Variants in RFX6 observed in about 807,000 individuals in gnomAD.
RFX6 encodes the protein DNA-binding protein RFX6.
A neutral mutation model predicts 110.8 loss-of-function variants in RFX6; 50 were observed. The observed-to-expected ratio is 0.45, with a 90% CI of 0.36 to 0.57. RFX6 has a LOEUF of 0.57. RFX6 is among the 20% of genes least tolerant of loss of function. The probability of loss-of-function intolerance (pLI) is 0.00; values close to 1 mark genes in which losing one functional copy is unlikely to be tolerated. For synonymous variants in RFX6, 383 were observed against 411.2 expected (o/e 0.93, Z 0.83); for missense variants, 990 against 1,127.0 (o/e 0.88, Z 1.74).
Position 116,923,185 on chromosome 6 carries a change from G to T in RFX6, c.1516G>T (p.Val506Leu). The T allele has an allele frequency of 1.3e-6, 2 of 1,595,778 alleles. No individual in the cohort carries two copies. Residue 506 changes from valine to leucine, a missense_variant, in exon 14 of 19, where the codon GTA becomes TTA. Physicochemically the swap from Val to Leu is conservative, Grantham distance 32. Coordinates refer to ENST00000332958, the MANE Select transcript of RFX6 (RefSeq NM_173560.4). ...AAAGTGGAGTTTTTTTGGTGCTCGAGTAATGCATAATCTCACCTTGAACAA... is the reference window on the plus strand; with the variant it reads ...AAAGTGGAGTTTTTTTGGTGCTCGATTAATGCATAATCTCACCTTGAACAA... ...LLKWSFFGAR[V>L]MHNLTLNNAS...
At chr6:116,914,409 G>C (rs1043991379) in intron 7 of RFX6, among the ~76,000 whole-genome samples, 1 of 152,038 alleles carries the variant, frequency 6.6e-6, no homozygotes, top group Non-Finnish European at 1.5e-5. Context: ...ATCTCTCTTT[G>C]ATATATTGAT....
At chr6:116,877,975 A>T in intron 2 of RFX6, 23 bp downstream of exon 2, 1 of 1,610,864 alleles carries the variant, frequency 6.2e-7, no homozygotes, top group Non-Finnish European at 8.5e-7. Flanking sequence ...CGCAGGGTAC[A>T]CTGAAGCACC....
At chr6:116,923,909 G>A (rs1775656061) in intron 14 of RFX6, among the ~76,000 whole-genome samples, 1 of 152,058 alleles carries the variant, frequency 6.6e-6, no homozygotes, top group Non-Finnish European at 1.5e-5. Flanking sequence ...TGCATTTCAG[G>A]AAATCTTCAC....
intron 17 of RFX6, 116 bp from the exon 18 acceptor site, chr6:116,928,643 G>C (rs1775807053): frequency 1.3e-6 from 1 of 747,100 alleles, no homozygotes; most frequent in African/African-American, 1.7e-5. Context: ...AGATACACAT[G>C]TAATACTTAC....
chr6:116,912,025 C>T (rs1775363126), intron 7 of RFX6, among the ~76,000 whole-genome samples: 1 of 152,070 alleles, frequency 6.6e-6, no homozygotes, highest in South Asian at 2.1e-4. Flanking sequence ...GAAAACATGT[C>T]TTTTGCAGCA....
At chr6:116,922,020 T>C (rs774082518) in intron 12 of RFX6, 22 bp from the exon 13 acceptor site, 18 of 764,892 alleles carry the variant, frequency 2.4e-5, no homozygotes, top group Non-Finnish European at 3.4e-5. Flanking sequence ...TTTTCTTTCT[T>C]TTTTTTTTTT....
intron 16 of RFX6, 33 bp downstream of exon 16, chr6:116,925,692 C>T: frequency 1.4e-6 from 2 of 1,465,446 alleles, no homozygotes; most frequent in Non-Finnish European, 1.9e-6. Flanking sequence ...GGCTCCAGCA[C>T]ATCTCAGAGA....
At chr6:116,926,939 A>G in intron 16 of RFX6, 88 bp from the exon 17 acceptor site, 1 of 1,238,390 alleles carries the variant, frequency 8.1e-7, no homozygotes, top group South Asian at 1.2e-5. Flanking sequence ...AAAACAATAC[A>G]TTAATAAATC....
At chr6:116,917,288 TAGTTCA>T (rs967874535) in intron 9 of RFX6, among the ~76,000 whole-genome samples, 30 of 151,828 alleles carry the variant, frequency 2.0e-4, no homozygotes, top group African/African-American at 5.3e-4. Flanking sequence ...TTTCTGCCTT[TAGTTCA>T]AGTTCAAGTT....
At chr6:116,879,985 T>C (rs773744497) in intron 2 of RFX6, among the ~76,000 whole-genome samples, 6 of 152,016 alleles carry the variant, frequency 3.9e-5, no homozygotes, top group Non-Finnish European at 8.8e-5. Context: ...CTGATGACAG[T>C]AGTAAAAAGT....
intron 2 of RFX6, among the ~76,000 whole-genome samples, chr6:116,878,986 T>C (rs1008559945): frequency 2.5e-4 from 38 of 151,946 alleles, no homozygotes; most frequent in African/African-American, 8.5e-4. Context: ...GTTAAGAATA[T>C]ACTAGAGCAG....
In RFX6 at chr6:116,924,781, G is replaced by A. The variant is rs1376416928; in HGVS notation, c.1668G>A (p.Met556Ile). 2 of 1,583,294 alleles carry A rather than the reference G, an allele frequency of 1.3e-6. No homozygotes were observed. The highest frequency in any genetic ancestry group is 2.2e-5 in the South Asian group (2 of 90,390). The change falls in exon 15 of 19, where the codon ATG becomes ATA. Residue 556 changes from methionine (M) to isoleucine (I), a missense_variant. Physicochemically the swap from Met to Ile is conservative, Grantham distance 10. Coordinates refer to ENST00000332958, the MANE Select transcript of RFX6 (RefSeq NM_173560.4). ...QELQNLLDKY[M>I]KNSDASKAAF... ...TACAGAATTTATTGGACAAGTATAT[G>A]AAGAATTCAGGTAACTTAAAATAAC...
chr6:116,905,197 C>A (rs553150597), intron 6 of RFX6, among the ~76,000 whole-genome samples: 1 of 151,936 alleles, frequency 6.6e-6, no homozygotes, highest in Non-Finnish European at 1.5e-5. Flanking sequence ...TTTTTGCTGG[C>A]GTGTGTTTGT....
intron 9 of RFX6, among the ~76,000 whole-genome samples, chr6:116,917,610 TA>T (rs1775496129): frequency 6.6e-6 from 1 of 152,122 alleles, no homozygotes; most frequent in South Asian, 2.1e-4. Flanking sequence ...TAGTCTAGTA[TA>T]AACATCCTGA....
intron 4 of RFX6, among the ~76,000 whole-genome samples, chr6:116,890,912 CA>C (rs1195079633): frequency 6.6e-6 from 1 of 152,046 alleles, no homozygotes; most frequent in African/African-American, 2.4e-5. Context: ...ATAATATAAT[CA>C]TTTATAACAA....
At chr6:116,902,916 G>C (rs896398244) in intron 6 of RFX6, among the ~76,000 whole-genome samples, 1 of 151,942 alleles carries the variant, frequency 6.6e-6, no homozygotes, top group African/African-American at 2.4e-5. Flanking sequence ...AGACCCTCTT[G>C]CCTTCTAGTC....
At chr6:116,916,891 G>C (rs1027816240) in intron 9 of RFX6, among the ~76,000 whole-genome samples, 2 of 152,026 alleles carry the variant, frequency 1.3e-5, no homozygotes, top group Non-Finnish European at 2.9e-5. Flanking sequence ...TCTCTTCCCT[G>C]GTGGCTACAA....
At chr6:116,926,000 A>G (rs901816115) in intron 16 of RFX6, among the ~76,000 whole-genome samples, 6 of 152,122 alleles carry the variant, frequency 3.9e-5, no homozygotes, top group African/African-American at 1.4e-4. Context: ...GATTTTGAGG[A>G]GACTTTATTT....
In RFX6 at chr6:116,916,012, A is replaced by G. The variant is rs1376930309; in HGVS notation, c.785A>G (p.Asp262Gly). The G allele has an allele frequency of 6.2e-7, 1 of 1,607,092 alleles. No homozygotes were observed. Among genetic ancestry groups the G allele is most frequent in the Non-Finnish European group, 8.5e-7 (1 of 1,174,096 alleles). The change falls in exon 8 of 19, where the codon GAT (aspartate) becomes GGT (glycine). Residue 262 changes from aspartate to glycine, a missense_variant. Around this residue, in one of 5 missense-constraint regions of RFX6, gnomAD observed 243 missense variants for 353.1 expected, o/e 0.69. Transcript: ENST00000332958. ...YQGCISKDKV[D>G]TLIMMYKTHC... is the part of the protein sequence containing the mutation. The stretch of plus-strand genomic sequence containing the variant: ...GCTTTTTCTTCCTTGAAATAGGTTG[A>G]TACGCTCATAATGATGTACAAAACT...
Sources: gnomAD v4.1 joint callset for allele counts (sites outside exome capture counted in the v4.1 genomes callset) on GRCh38, gnomAD v4.1.1 for gene constraint, gnomAD v4.1.1 regional missense constraint, MANE v1.5 for transcripts, NCBI Gene and HGNC (gene_info 2026-07-23, HGNC 2026-07-21) for gene names.